TBL3: variants seen among roughly 807,000 people sequenced by gnomAD.
The protein encoded by TBL3 is transducin beta like 3.
TBL3 carries 71 observed loss-of-function variants against 102.7 expected under a neutral mutation model. The ratio of observed to expected loss-of-function variants is 0.69; its 90% CI spans 0.57 to 0.84. The LOEUF (loss-of-function observed/expected upper bound fraction) is 0.84, where lower values mean the gene tolerates loss of function less well. Ranked by LOEUF, TBL3 falls within the 40% of genes least tolerant of loss-of-function variation. The pLI is 0.00. For synonymous variants in TBL3, 578 were observed against 477.7 expected, an observed-to-expected ratio of 1.21 and a Z score of -2.74; for missense variants, 1,188 against 1,098.5, an observed-to-expected ratio of 1.08 and a Z score of -1.15.
chr16:1,978,760 C>G lies in TBL3; in HGVS notation c.*75C>G. On this transcript the variant is annotated 3_prime_UTR_variant, in exon 22 of 22. Transcript: ENST00000568546. ...AGGCCGCTCTCCTGGCCGGCTCTGTCTCTCTGGACTGCAGTCCAGCCCCCC... is the reference window on the plus strand; with the variant it reads ...AGGCCGCTCTCCTGGCCGGCTCTGTGTCTCTGGACTGCAGTCCAGCCCCCC... The G allele has an allele frequency of 6.5e-7, 1 of 1,539,598 alleles. No homozygotes were observed. Among genetic ancestry groups the G allele is most frequent in the Non-Finnish European group, 8.8e-7 (1 of 1,134,654 alleles).
Position 1,981,031 on chromosome 16 carries a change from A to C in TBL3, c.*2346A>C. 2 of 1,613,272 alleles carry C rather than the reference A, an allele frequency of 1.2e-6. No individual in the cohort carries two copies. The highest frequency in any genetic ancestry group is 1.6e-4 in the Middle Eastern group (1 of 6,062). ...GAGAAGGCAAACGTCTGGGGGACAA[A>C]AAGTTGGGAGTGCCGTGGAGGTGCT... On this transcript the variant is annotated 3_prime_UTR_variant, in exon 22 of 22. Coordinates refer to ENST00000568546, the MANE Select transcript of TBL3 (RefSeq NM_006453.3).
intron 3 of TBL3, 39 bp from the exon 4 acceptor site, chr16:1,974,337 C>A: frequency 6.3e-7 from 1 of 1,591,474 alleles, no homozygotes; most frequent in South Asian, 1.1e-5. Context: ...AGAGGGCAGC[C>A]CACTCACACC....
At position 1,975,440 on chromosome 16, in the gene TBL3, T is replaced by C; in HGVS notation, c.805+2T>C. 1 of 1,613,346 alleles carries C rather than the reference T, an allele frequency of 6.2e-7. No individual in the cohort carries two copies. Among genetic ancestry groups the C allele is most frequent in the Non-Finnish European group, 8.5e-7 (1 of 1,179,792 alleles). Reference sequence around the variant, plus strand: ...ACTTTCTGACAGCTGGCGACCAAGGTGTGTTGGGCCGGGACATGGGCAGGC... The same window carrying C: ...ACTTTCTGACAGCTGGCGACCAAGGCGTGTTGGGCCGGGACATGGGCAGGC... On this transcript the variant is annotated splice_donor_variant, in intron 9 of 21. Transcript: ENST00000568546. LOFTEE classifies it high-confidence loss of function.
rs749227843 is a variant in TBL3 at position 1,975,766 on chromosome 16, A to C, written c.988-42A>C. On this transcript the variant is annotated intron_variant, in intron 10 of 21. Coordinates refer to ENST00000568546, the MANE Select transcript of TBL3 (RefSeq NM_006453.3). Reference sequence around the variant, plus strand: ...CTGCGGGCACCAGCCCTCCTCTTACACAGGTCCTGGCTCACATCTCCTGCT... The same window carrying C: ...CTGCGGGCACCAGCCCTCCTCTTACCCAGGTCCTGGCTCACATCTCCTGCT... 9 of 1,613,712 alleles carry C rather than the reference A, an allele frequency of 5.6e-6. No individual in the cohort carries two copies. The Admixed American group carries it at 1.3e-4, about 24-fold the overall frequency.
Position 1,974,696 on chromosome 16 carries a change from C to T in TBL3, c.379+17C>T, listed in dbSNP as rs1307307668. ...TAGCCACAGGTAGGGCCCTGCCGTG[C>T]AGGTGGGTCGTGGGCACAGATGCAG... is the stretch of plus-strand genomic sequence containing the variant. On this transcript the variant is annotated intron_variant, in intron 5 of 21. Transcript: ENST00000568546. The T allele has an allele frequency of 1.2e-6, 2 of 1,611,084 alleles. No individual in the cohort carries two copies. Among genetic ancestry groups the T allele is most frequent in the East Asian group, 2.2e-5 (1 of 44,834 alleles).
In TBL3 at chr16:1,980,297, C is replaced by G; in HGVS notation, c.*1612C>G. On this transcript the variant is annotated 3_prime_UTR_variant, in exon 22 of 22. Coordinates refer to ENST00000568546, the MANE Select transcript of TBL3 (RefSeq NM_006453.3). Reference sequence around the variant, plus strand: ...TCTCTGCCCCTATTCGCTGGCTGTTCCCCCCCACCCTGGACCTCTCCCAGC... The same window carrying G: ...TCTCTGCCCCTATTCGCTGGCTGTTGCCCCCCACCCTGGACCTCTCCCAGC... 6.6e-7 allele frequency: 1 copy of G among 1,521,112 alleles called. No homozygotes were observed. The highest frequency in any genetic ancestry group is 8.8e-7 in the Non-Finnish European group (1 of 1,132,982). The allele number at this position is 1,521,112 out of a possible 1,614,324, so 94.2% of individuals were successfully genotyped here.
chr16:1,975,366 T>C lies in TBL3; in HGVS notation c.733T>C (p.Leu245=), dbSNP rs764329931. The change falls in exon 9 of 22, where the codon TTG becomes CTG. Residue 245 remains leucine (L), a synonymous_variant. Coordinates refer to ENST00000568546, the MANE Select transcript of TBL3 (RefSeq NM_006453.3). Reference sequence around the variant, plus strand: ...CCAGAGCGTGGAGGCTGCTGTGCTGTTGCCAGAGGAGCCAGTGTCCCAGCT... The same window carrying C: ...CCAGAGCGTGGAGGCTGCTGTGCTGCTGCCAGAGGAGCCAGTGTCCCAGCT... ...VFESVEAAVL[L]PEEPVSQLGV... The C allele has an allele frequency of 6.2e-7, 1 of 1,613,986 alleles. No individual in the cohort carries two copies. The highest frequency in any genetic ancestry group is 1.1e-5 in the South Asian group (1 of 91,078).
At chr16:1,975,775 G>A (rs771785847) in intron 10 of TBL3, 33 bp from the exon 11 acceptor site, 3 of 1,613,904 alleles carry the variant, frequency 1.9e-6, no homozygotes, top group Non-Finnish European at 1.7e-6. Context: ...CACAGGTCCT[G>A]GCTCACATCT....
In TBL3 at chr16:1,979,617, T is replaced by G; in HGVS notation, c.*932T>G. Reference sequence around the variant, plus strand: ...CCCGCCCGCACCCTTCTCCACATTCTCCTTGCTTGAGTCTGCTGACGGCGG... The same window carrying G: ...CCCGCCCGCACCCTTCTCCACATTCGCCTTGCTTGAGTCTGCTGACGGCGG... On this transcript the variant is annotated 3_prime_UTR_variant, in exon 22 of 22. Transcript: ENST00000568546. The G allele has an allele frequency of 7.2e-7, 1 of 1,397,450 alleles. No homozygotes were observed. The highest frequency in any genetic ancestry group is 9.9e-7 in the Non-Finnish European group (1 of 1,005,936). The allele number at this position is 1,397,450 out of a possible 1,614,324, so 86.6% of individuals were successfully genotyped here.
At position 1,979,238 on chromosome 16, in the gene TBL3, G is replaced by T. The variant is rs930395086; in HGVS notation, c.*553G>T. ...CCTGGGAGGGTTCAGGGAAGCCCCG[G>T]GCCTCACCCGCCGGGTCGTCTCCTC... On this transcript the variant is annotated 3_prime_UTR_variant, in exon 22 of 22. Coordinates refer to ENST00000568546, the MANE Select transcript of TBL3 (RefSeq NM_006453.3). 1.3e-6 allele frequency: 2 copies of T among 1,509,542 alleles called. No individual in the cohort carries two copies. Among genetic ancestry groups the T allele is most frequent in the South Asian group, 1.2e-5 (1 of 80,554 alleles). 93.5% of individuals were successfully genotyped at this position (1,509,542 alleles called of 1,614,324 possible).
chr16:1,979,925 G>A lies in TBL3; in HGVS notation c.*1240G>A, dbSNP rs1325314966. On this transcript the variant is annotated 3_prime_UTR_variant, in exon 22 of 22. Coordinates refer to ENST00000568546, the MANE Select transcript of TBL3 (RefSeq NM_006453.3). The stretch of plus-strand genomic sequence containing the variant: ...CAGCCTGTGCGCAAGAAGCGGGCAG[G>A]GACTCAAATCTCGAGGCTCCCTCGG... 2 of 1,576,902 alleles carry A rather than the reference G, an allele frequency of 1.3e-6. No homozygotes were observed. The highest frequency in any genetic ancestry group is 4.7e-5 in the East Asian group (2 of 42,930).
At chr16:1,972,494 G>A (rs2083367861) in intron 1 of TBL3, among the ~76,000 whole-genome samples, 1 of 152,224 alleles carries the variant, frequency 6.6e-6, no homozygotes, top group Non-Finnish European at 1.5e-5. Flanking sequence ...GAGGGGAGGA[G>A]AGGGCTGAGC....
chr16:1,980,746 C>G lies in TBL3; in HGVS notation c.*2061C>G. 1 of 1,586,604 alleles carries G rather than the reference C, an allele frequency of 6.3e-7. No homozygotes were observed. Among genetic ancestry groups the G allele is most frequent in the Non-Finnish European group, 8.6e-7 (1 of 1,165,638 alleles). ...TTGAGGGTCTTCTGAGGGCGGGAAC[C>G]AGGGCATTGGTCTTCCAGAGCCCAC... is the stretch of plus-strand genomic sequence containing the variant. On this transcript the variant is annotated 3_prime_UTR_variant, in exon 22 of 22. Transcript: ENST00000568546.
Position 1,974,425 on chromosome 16 carries a change from T to C in TBL3, c.237+2T>C, listed in dbSNP as rs1245873312. On this transcript the variant is annotated splice_donor_variant, in intron 4 of 21. Transcript: ENST00000568546. LOFTEE classifies it high-confidence loss of function. ...TTTGACCTCAGCCCTGACAACGAGG[T>C]ATGTGGGGCGGGGCCTGGAGGGGAC... 3 of 1,607,510 alleles carry C rather than the reference T, an allele frequency of 1.9e-6. No individual in the cohort carries two copies. Among genetic ancestry groups the C allele is most frequent in the African/African-American group, 2.7e-5 (2 of 74,672 alleles).
chr16:1,975,093 G>A lies in TBL3; in HGVS notation c.630G>A (p.Met210Ile), dbSNP rs2083389473. ...CCTTCAGCGCCGACGGCCACACCAT[G>A]CTCAGGTCAGCAGTGGGCCCTGGTA... The part of the protein sequence containing the change: ...SLAFSADGHT[M>I]LSSGRDKICI... Residue 210 changes from methionine to isoleucine, a missense_variant, in exon 7 of 22, where the codon ATG becomes ATA. By Grantham distance (10) the Met-to-Ile change is conservative. Transcript: ENST00000568546. The A allele has an allele frequency of 6.2e-7, 1 of 1,611,366 alleles. No homozygotes were observed. Among genetic ancestry groups the A allele is most frequent in the African/African-American group, 1.3e-5 (1 of 74,934 alleles).
At position 1,974,667 on chromosome 16, in the gene TBL3, C is replaced by G; in HGVS notation, c.367C>G (p.Leu123Val). The stretch of plus-strand genomic sequence containing the variant: ...CATGGCCTTCGACCCCACCTCCACT[C>G]TGCTAGCCACAGGTAGGGCCCTGCC... ...ATMAFDPTST[L>V]LATGGCDGAV... The change falls in exon 5 of 22, where the codon CTG (leucine) becomes GTG (valine). Residue 123 changes from leucine to valine, a missense_variant. Transcript: ENST00000568546. 6.2e-7 allele frequency: 1 copy of G among 1,609,434 alleles called. No individual in the cohort carries two copies. Among genetic ancestry groups the G allele is most frequent in the Admixed American group, 1.7e-5 (1 of 59,922 alleles).
In TBL3 at chr16:1,978,825, T is replaced by C; in HGVS notation, c.*140T>C. 2.4e-6 allele frequency: 3 copies of C among 1,244,286 alleles called. No homozygotes were observed. The highest frequency in any genetic ancestry group is 2.4e-5 in the East Asian group (1 of 42,202). The allele number at this position is 1,244,286 out of a possible 1,614,324, so 77.1% of individuals were successfully genotyped here. On this transcript the variant is annotated 3_prime_UTR_variant, in exon 22 of 22. Coordinates refer to ENST00000568546, the MANE Select transcript of TBL3 (RefSeq NM_006453.3). ...CCTACCTAGCCAGCCAGAAGGGCAC[T>C]GGAGCTGATGGTCTCGGCCCTGCCA...
chr16:1,977,408 G>A lies in TBL3; in HGVS notation c.1724G>A (p.Gly575Asp), dbSNP rs1159418208. 1 of 1,610,386 alleles carries A rather than the reference G, an allele frequency of 6.2e-7. No individual in the cohort carries two copies. The highest frequency in any genetic ancestry group is 8.5e-7 in the Non-Finnish European group (1 of 1,179,124). ...SVLKVAFVSRGTQLLSSGSDG... is the reference protein window; with the variant it reads ...SVLKVAFVSRDTQLLSSGSDG... ...CTGAAGGTGGCCTTTGTGAGCCGTG[G>A]CACGCAGCTGCTGTCCAGGTGAGTG... Residue 575 changes from glycine to aspartate, a missense_variant, in exon 16 of 22, where the codon GGC becomes GAC. Coordinates refer to ENST00000568546, the MANE Select transcript of TBL3 (RefSeq NM_006453.3).
intron 8 of TBL3, 40 bp downstream of exon 8, chr16:1,975,302 G>A (rs773710279): frequency 6.2e-7 from 1 of 1,613,974 alleles, no homozygotes; most frequent in Non-Finnish European, 8.5e-7. Flanking sequence ...GAGTTGGGTG[G>A]GGAGGGGGCA....
Sources: gnomAD v4.1 joint callset for allele counts (sites outside exome capture counted in the v4.1 genomes callset) on GRCh38, gnomAD v4.1.1 for gene constraint, MANE v1.5 for transcripts, NCBI Gene and HGNC (gene_info 2026-07-23, HGNC 2026-07-21) for gene names.